The following ARL6IP6 variants were observed in gnomAD, a reference collection of about 807,000 sequenced individuals.
ARL6IP6 encodes the protein ADP-ribosylation factor-like protein 6-interacting protein 6.
A neutral mutation model predicts 21.5 loss-of-function variants in ARL6IP6; 22 were observed. The observed-to-expected ratio is 1.02, with a 90% CI of 0.73 to 1.46. The LOEUF is 1.46. Ranked by LOEUF, ARL6IP6 falls within the 40% of genes most tolerant of loss-of-function variation. The pLI is 0.00. For missense variants in ARL6IP6, 388 were observed against 299.8 expected, an observed-to-expected ratio of 1.29 and a Z score of -2.17; for synonymous variants, 164 against 125.3, an observed-to-expected ratio of 1.31 and a Z score of -2.06.
In ARL6IP6 at chr2:152,761,936, T is replaced by C. The variant is rs367623671; in HGVS notation, c.*2096T>C. The stretch of plus-strand genomic sequence containing the variant: ...AGATATATATTAATATAGATAAATA[T>C]AGAGAGAGATGTATCCGTAAGATAT... On this transcript the variant is annotated 3_prime_UTR_variant, in exon 4 of 4. Transcript: ENST00000326446. Among the ~76,000 whole-genome samples the C allele has an allele frequency of 6.6e-5, 10 of 152,238 alleles. No individual in the cohort carries two copies. The South Asian group carries it at 1.0e-3, about 16-fold the overall frequency.
rs190338935 is a variant in ARL6IP6, at chr2:152,744,641, C to A, written c.587+9515C>A. On this transcript the variant is annotated intron_variant, in intron 3 of 3. Transcript: ENST00000326446. ...ATTTCACAGTTAATATACAAATCAGCGGGTATCTGCTACCTTCCTCATGCT... is the reference window on the plus strand; with the variant it reads ...ATTTCACAGTTAATATACAAATCAGAGGGTATCTGCTACCTTCCTCATGCT... Among the ~76,000 whole-genome samples, 725 of 152,098 alleles carry A rather than the reference C, an allele frequency of 4.8e-3. 4 individuals are homozygous for A. Among genetic ancestry groups the A allele is most frequent in the African/African-American group, 0.016 (674 of 41,510 alleles).
intron 3 of ARL6IP6, among the ~76,000 whole-genome samples, chr2:152,735,708 C>A (rs1337913805): frequency 6.6e-6 from 1 of 152,048 alleles, no homozygotes; most frequent in Non-Finnish European, 1.5e-5. Context: ...AGGAAAGTTC[C>A]AATTTTAAAT....
chr2:152,730,602 C>G (rs559417888), intron 2 of ARL6IP6, among the ~76,000 whole-genome samples: 6 of 152,162 alleles, frequency 3.9e-5, no homozygotes, highest in South Asian at 4.2e-4. Context: ...TCTGTTCACC[C>G]AATTCCAGGT....
chr2:152,720,505 C>T (rs1329093765), intron 1 of ARL6IP6, 28 bp from the exon 2 acceptor site: 2 of 1,606,876 alleles, frequency 1.2e-6, no homozygotes, highest in Non-Finnish European at 8.5e-7. Context: ...TATTGCTTTC[C>T]TACCTAAGTC....
intron 3 of ARL6IP6, among the ~76,000 whole-genome samples, chr2:152,740,424 G>C (rs1371645662): frequency 6.6e-6 from 1 of 151,844 alleles, no homozygotes; most frequent in Non-Finnish European, 1.5e-5. Flanking sequence ...AATATGAAAT[G>C]GTGTCATATT....
In ARL6IP6 at chr2:152,720,434, A is replaced by G. The variant is rs763260990; in HGVS notation, c.401-99A>G. The G allele has an allele frequency of 1.4e-5, 16 of 1,182,312 alleles. No homozygotes were observed. The African/African-American group carries it at 1.8e-4, about 13-fold the overall frequency. 73.2% of individuals were successfully genotyped at this position (1,182,312 alleles called of 1,614,324 possible). ...TTTGAACCCAGTTCTTTGTGACTCC[A>G]GAGCACTTTCCACAGCTCCACAATG... On this transcript the variant is annotated intron_variant, in intron 1 of 3. Transcript: ENST00000326446.
intron 2 of ARL6IP6, among the ~76,000 whole-genome samples, chr2:152,733,504 C>T (rs111396262): frequency 0.042 from 6,334 of 152,210 alleles, 278 homozygotes; most frequent in African/African-American, 0.11. Context: ...CTCAAGTAAT[C>T]CTCTTGCTTC....
intron 3 of ARL6IP6, among the ~76,000 whole-genome samples, chr2:152,755,512 A>C (rs891190578): frequency 1.3e-4 from 20 of 152,162 alleles, no homozygotes; most frequent in African/African-American, 4.6e-4. Context: ...TAGCAAAATT[A>C]GTGAAAGTAC....
intron 3 of ARL6IP6, among the ~76,000 whole-genome samples, chr2:152,747,601 A>T (rs1299242099): frequency 6.6e-6 from 1 of 150,408 alleles, no homozygotes; most frequent in Non-Finnish European, 1.5e-5. Flanking sequence ...GGTTTGAGAT[A>T]GTCTCACTCT....
rs146976556 is a variant in ARL6IP6 at position 152,736,299 on chromosome 2, A to G, written c.587+1173A>G. Among the ~76,000 whole-genome samples the G allele has an allele frequency of 6.0e-3, 908 of 152,312 alleles. 7 individuals carry two copies. The highest frequency in any genetic ancestry group is 0.021 in the African/African-American group (868 of 41,572). ...GAGACTCGTTTCAAAAAAATCACCAAAAAAGTAATCGTATTTTTTCCTTTT... is the reference window on the plus strand; with the variant it reads ...GAGACTCGTTTCAAAAAAATCACCAGAAAAGTAATCGTATTTTTTCCTTTT... On this transcript the variant is annotated intron_variant, in intron 3 of 3. Transcript: ENST00000326446.
chr2:152,735,138 T>G lies in ARL6IP6; in HGVS notation c.587+12T>G, dbSNP rs755261330. ...CCTGCCAGGTTCAAGTAAGTATTCC[T>G]GTTTCCTGTTTCTTTTTTAAATGCA... On this transcript the variant is annotated intron_variant, in intron 3 of 3. Transcript: ENST00000326446. 16 of 1,612,224 alleles carry G rather than the reference T, an allele frequency of 9.9e-6. No homozygotes were observed. Among genetic ancestry groups the G allele is most frequent in the Non-Finnish European group, 8.5e-7 (1 of 1,179,026 alleles).
intron 2 of ARL6IP6, 148 bp downstream of exon 2, chr2:152,720,734 ATG>A: frequency 1.4e-6 from 1 of 728,222 alleles, no homozygotes; most frequent in Admixed American, 2.9e-5. Flanking sequence ...TTGGTGATAA[ATG>A]TTATTAGATT....
chr2:152,744,556 C>T (rs1230754262), intron 3 of ARL6IP6, among the ~76,000 whole-genome samples: 3 of 152,064 alleles, frequency 2.0e-5, no homozygotes, highest in African/African-American at 7.2e-5. Flanking sequence ...AGAGTGGTGT[C>T]TTTTTTTCAC....
At chr2:152,742,143 A>C (rs1700840436) in intron 3 of ARL6IP6, among the ~76,000 whole-genome samples, 1 of 152,220 alleles carries the variant, frequency 6.6e-6, no homozygotes, top group Admixed American at 6.5e-5. Flanking sequence ...GACAAATGTA[A>C]CAGTGTATAT....
chr2:152,736,427 ACT>A (rs1700554412), intron 3 of ARL6IP6, among the ~76,000 whole-genome samples: 1 of 152,050 alleles, frequency 6.6e-6, no homozygotes, highest in Non-Finnish European at 1.5e-5. Flanking sequence ...AGTGATTAAA[ACT>A]CTGTCTTTGC....
intron 3 of ARL6IP6, among the ~76,000 whole-genome samples, chr2:152,740,543 T>C (rs1158065733): frequency 6.6e-6 from 1 of 151,876 alleles, no homozygotes; most frequent in African/African-American, 2.4e-5. Context: ...ATATAAAATA[T>C]ACACATTCAT....
At chr2:152,721,708 ATTCT>A (rs941681407) in intron 2 of ARL6IP6, among the ~76,000 whole-genome samples, 4 of 152,344 alleles carry the variant, frequency 2.6e-5, no homozygotes, top group Admixed American at 2.0e-4. Context: ...CCCCTCTCCC[ATTCT>A]TTCCTAAACT....
intron 3 of ARL6IP6, among the ~76,000 whole-genome samples, chr2:152,750,247 G>A (rs1574063376): frequency 6.6e-6 from 1 of 152,138 alleles, no homozygotes; most frequent in African/African-American, 2.4e-5. Context: ...GGAGTGCTGG[G>A]TGGATCACCT....
At chr2:152,730,051 A>T (rs1700234606) in intron 2 of ARL6IP6, among the ~76,000 whole-genome samples, 1 of 152,168 alleles carries the variant, frequency 6.6e-6, no homozygotes, top group Non-Finnish European at 1.5e-5. Context: ...ACACTTCTAG[A>T]CCACAATATT....
Sources: allele counts gnomAD v4.1 joint callset (sites outside exome capture counted in the v4.1 genomes callset), GRCh38; gene constraint gnomAD v4.1.1; transcripts MANE v1.5; gene names NCBI Gene and HGNC (gene_info 2026-07-23, HGNC 2026-07-21).